Variants in ABCG1 observed in about 807,000 individuals in gnomAD.
The protein encoded by ABCG1 is ATP-binding cassette sub-family G member 1.
In ABCG1, 29 loss-of-function variants were observed where a neutral mutation model predicts 69.2. That is an observed-to-expected ratio of 0.42 (90% CI 0.31 to 0.57). ABCG1 has a LOEUF of 0.57. ABCG1 is among the 20% of genes least tolerant of loss of function. The probability of loss-of-function intolerance (pLI) is 0.15; values close to 1 mark genes in which losing one functional copy is unlikely to be tolerated. For missense variants in ABCG1, 718 were observed against 898.1 expected, an observed-to-expected ratio of 0.80 and a Z score of 2.56; for synonymous variants, 370 against 374.8, an observed-to-expected ratio of 0.99 and a Z score of 0.15.
intron 2 of ABCG1, among the ~76,000 whole-genome samples, chr21:42,269,563 T>C (rs1454164898): frequency 6.6e-6 from 1 of 152,214 alleles, no homozygotes; most frequent in Non-Finnish European, 1.5e-5. Context: ...CTACCCCCGC[T>C]GGGATGACTC....
chr21:42,293,208 TGCATACACACACTACAC>T (rs2069117324), intron 13 of ABCG1, among the ~76,000 whole-genome samples: 1 of 71,882 alleles, frequency 1.4e-5, no homozygotes. Context: ...CACCACACAC[TGCATACACACACTACAC>T]ACTACACACC....
At chr21:42,241,977 CA>C (rs35823612) in intron 2 of ABCG1, among the ~76,000 whole-genome samples, 1,925 of 94,222 alleles carry the variant, frequency 0.02, 25 homozygotes, top group African/African-American at 0.045. Flanking sequence ...GACCCTGTCT[CA>C]AAAAAAAAAA....
At chr21:42,282,985 T>G (rs942968900) in intron 6 of ABCG1, among the ~76,000 whole-genome samples, 6 of 152,218 alleles carry the variant, frequency 3.9e-5, no homozygotes, top group African/African-American at 1.2e-4. Flanking sequence ...TGGGGCTCCC[T>G]GCGGAATCAC....
At chr21:42,278,127 G>C (rs548318356) in intron 5 of ABCG1, among the ~76,000 whole-genome samples, 1 of 152,202 alleles carries the variant, frequency 6.6e-6, no homozygotes, top group Non-Finnish European at 1.5e-5. Context: ...AGATTGAAAA[G>C]AAAATGGATG....
chr21:42,267,330 GT>G (rs2068523136), intron 2 of ABCG1, among the ~76,000 whole-genome samples: 1 of 151,974 alleles, frequency 6.6e-6, no homozygotes, highest in Non-Finnish European at 1.5e-5. Context: ...TCTAGACCTG[GT>G]CTGGGTGTGG....
In ABCG1 at chr21:42,287,392, C is replaced by G. The variant is rs1045637088; in HGVS notation, c.974-497C>G. Reference sequence around the variant, plus strand: ...ATCTGAGAGGTGCAGGTTGAGGGTCCCAGGACCTCCAAGTCCCCAGGGTGC... The same window carrying G: ...ATCTGAGAGGTGCAGGTTGAGGGTCGCAGGACCTCCAAGTCCCCAGGGTGC... On this transcript the variant is annotated intron_variant, in intron 8 of 14. Coordinates refer to ENST00000398449, the MANE Select transcript of ABCG1 (RefSeq NM_016818.3). The surrounding 1 kb of genome is among the most constrained non-coding windows in gnomAD (Gnocchi z 6.2). Among the ~76,000 whole-genome samples the G allele has an allele frequency of 5.3e-5, 8 of 152,112 alleles. No individual in the cohort carries two copies. Among genetic ancestry groups the G allele is most frequent in the Non-Finnish European group, 1.0e-4 (7 of 68,024 alleles).
At position 42,296,562 on chromosome 21, in the gene ABCG1, G is replaced by T. The variant is rs954972370; in HGVS notation, c.*170G>T. The T allele has an allele frequency of 1.6e-6, 1 of 616,018 alleles. No homozygotes were observed. The highest frequency in any genetic ancestry group is 2.6e-5 in the Admixed American group (1 of 37,856). The allele number at this position is 616,018 out of a possible 1,614,324, so 38.2% of individuals were successfully genotyped here. On this transcript the variant is annotated 3_prime_UTR_variant, in exon 15 of 15. Coordinates refer to ENST00000398449, the MANE Select transcript of ABCG1 (RefSeq NM_016818.3). This position sits in a 1 kb window ranked among gnomAD's most constrained non-coding sequence, Gnocchi z 5.4. ...CGTGCTCAGCCACTCTGCCCAGCTG[G>T]GTTGGATCTTCTCTCCATTCCCCTT...
intron 5 of ABCG1, among the ~76,000 whole-genome samples, chr21:42,281,211 T>A (rs1053875617): frequency 3.9e-5 from 6 of 152,216 alleles, no homozygotes; most frequent in African/African-American, 1.4e-4. Context: ...TTCATCTCCC[T>A]AGAGGAGCCG....
rs750699739 is a variant in ABCG1 at position 42,276,768 on chromosome 21, G to T, written c.538-127G>T. ...TAGCTGCACTGTGGGTAGCTGCACC[G>T]TGGCTAGTGGCACTGTGGCTAGCTG... is the stretch of plus-strand genomic sequence containing the variant. On this transcript the variant is annotated intron_variant, in intron 4 of 14. Coordinates refer to ENST00000398449, the MANE Select transcript of ABCG1 (RefSeq NM_016818.3). The surrounding 1 kb of genome is among the most constrained non-coding windows in gnomAD (Gnocchi z 5.3). The T allele has an allele frequency of 2.2e-6, 2 of 911,292 alleles. No homozygotes were observed. The highest frequency in any genetic ancestry group is 1.6e-5 in the African/African-American group (1 of 61,222). The allele number at this position is 911,292 out of a possible 1,614,324, so 56.5% of individuals were successfully genotyped here.
intron 2 of ABCG1, among the ~76,000 whole-genome samples, chr21:42,241,072 T>C (rs1330679984): frequency 3.3e-5 from 5 of 152,266 alleles, no homozygotes; most frequent in Non-Finnish European, 7.3e-5. Context: ...TCAACAGTCC[T>C]GGTGAATAGC....
intron 10 of ABCG1, among the ~76,000 whole-genome samples, 178 bp from the exon 11 acceptor site, chr21:42,289,872 G>C (rs2069020894): frequency 6.6e-6 from 1 of 152,202 alleles, no homozygotes; most frequent in South Asian, 2.1e-4. Flanking sequence ...GAGTGTGTGT[G>C]TGTATGTGAG....
intron 2 of ABCG1, among the ~76,000 whole-genome samples, chr21:42,254,380 G>C (rs1207069718): frequency 6.6e-6 from 1 of 152,188 alleles, no homozygotes; most frequent in Non-Finnish European, 1.5e-5. Context: ...ACTCACTGAG[G>C]GGTGGTAGGG....
At chr21:42,254,349 A>G (rs1167350660) in intron 2 of ABCG1, among the ~76,000 whole-genome samples, 1 of 152,244 alleles carries the variant, frequency 6.6e-6, no homozygotes, top group African/African-American at 2.4e-5. Context: ...TCCTGGCGCC[A>G]GAGTGGGCTT....
chr21:42,285,259 A>G (rs2068918495), intron 7 of ABCG1, among the ~76,000 whole-genome samples: 1 of 152,144 alleles, frequency 6.6e-6, no homozygotes, highest in Admixed American at 6.5e-5. Context: ...GCACTTTGGG[A>G]GGCTGAGGTG....
intron 3 of ABCG1, among the ~76,000 whole-genome samples, chr21:42,272,313 C>G (rs1449458534): frequency 2.0e-5 from 3 of 152,280 alleles, no homozygotes; most frequent in African/African-American, 4.8e-5. Context: ...ACACCCACAG[C>G]TCCTGGCAGC....
chr21:42,261,846 A>G (rs17114590), intron 2 of ABCG1, among the ~76,000 whole-genome samples: 16,822 of 152,238 alleles, frequency 0.11, 1,167 homozygotes, highest in Non-Finnish European at 0.15. Context: ...AACATTTGAC[A>G]TTTGGACAAC....
chr21:42,232,282 A>C (rs78787672), intron 2 of ABCG1, among the ~76,000 whole-genome samples: 245 of 152,306 alleles, frequency 1.6e-3, no homozygotes, highest in African/African-American at 5.6e-3. Flanking sequence ...AGGGGTCTAG[A>C]TGCTCCCCTC....
At chr21:42,239,106 A>G (rs1384502230) in intron 2 of ABCG1, among the ~76,000 whole-genome samples, 4 of 152,190 alleles carry the variant, frequency 2.6e-5, no homozygotes, top group African/African-American at 9.7e-5. Flanking sequence ...CTTGTTAGCA[A>G]AATGCCCTCA....
chr21:42,279,996 TG>T (rs957209186), intron 5 of ABCG1, among the ~76,000 whole-genome samples: 3 of 152,204 alleles, frequency 2.0e-5, no homozygotes, highest in Non-Finnish European at 4.4e-5. Flanking sequence ...TCAGCTCATG[TG>T]GCTGAATCAT....
Sources: gnomAD v4.1 joint callset for allele counts (sites outside exome capture counted in the v4.1 genomes callset) on GRCh38, gnomAD v4.1.1 for gene constraint, Gnocchi (gnomAD v3.1) non-coding constraint, MANE v1.5 for transcripts, NCBI Gene and HGNC (gene_info 2026-07-23, HGNC 2026-07-21) for gene names.